The following KLHDC8B variants were observed in gnomAD, a reference collection of about 807,000 sequenced individuals.
KLHDC8B encodes the protein kelch domain-containing protein 8B.
KLHDC8B carries 19 observed loss-of-function variants against 26.3 expected under a neutral mutation model. The observed-to-expected ratio is 0.72, with a 90% CI of 0.50 to 1.06. The LOEUF (loss-of-function observed/expected upper bound fraction) is 1.06, where lower values mean the gene tolerates loss of function less well. KLHDC8B is among the 50% of genes least tolerant of loss of function. The probability of loss-of-function intolerance (pLI) is 0.00; values close to 1 mark genes in which losing one functional copy is unlikely to be tolerated. For missense variants in KLHDC8B, 411 were observed against 488.1 expected (o/e 0.84, Z 1.49); for synonymous variants, 150 against 188.4 (o/e 0.80, Z 1.67).
At chr3:49,174,459 A>G in intron 3 of KLHDC8B, 56 bp downstream of exon 3, 1 of 1,554,182 alleles carries the variant, frequency 6.4e-7, no homozygotes, top group Non-Finnish European at 8.8e-7. Context: ...CCTCATCCTC[A>G]TAGGTTGGCT....
At position 49,175,131 on chromosome 3, in the gene KLHDC8B, T is replaced by C; in HGVS notation, c.836T>C (p.Leu279Pro). Residue 279 changes from leucine (L) to proline (P), a missense_variant, in exon 5 of 6, where the codon CTT becomes CCT. By Grantham distance (98) the Leu-to-Pro change is moderately conservative. Transcript: ENST00000332780. ...AGGGCAGACTTTGTGGTTGGGTCCC[T>C]TGGGGGCCACATTGTGGCCATTGGG... ...DKRADFVVGS[L>P]GGHIVAIGGL... The C allele has an allele frequency of 1.2e-6, 2 of 1,614,114 alleles. No individual in the cohort carries two copies. The highest frequency in any genetic ancestry group is 1.7e-6 in the Non-Finnish European group (2 of 1,180,004).
chr3:49,175,197 T>G (rs1575549602), intron 5 of KLHDC8B, 34 bp downstream of exon 5: 4 of 1,553,774 alleles, frequency 2.6e-6, no homozygotes, highest in Non-Finnish European at 3.5e-6. Context: ...GAGGAGGGAG[T>G]CCCAAGACAG....
chr3:49,175,986 A>G lies in KLHDC8B; in HGVS notation c.*185A>G. 1 of 605,624 alleles carries G rather than the reference A, an allele frequency of 1.7e-6. No individual in the cohort carries two copies. Among genetic ancestry groups the G allele is most frequent in the South Asian group, 2.0e-5 (1 of 50,360 alleles). 37.5% of individuals were successfully genotyped at this position (605,624 alleles called of 1,614,324 possible). Reference sequence around the variant, plus strand: ...CCTTTGTCTTTAGTGCAGGACACACATATGCTTACACCTACCTTTATCACC... The same window carrying G: ...CCTTTGTCTTTAGTGCAGGACACACGTATGCTTACACCTACCTTTATCACC... On this transcript the variant is annotated 3_prime_UTR_variant, in exon 6 of 6. Coordinates refer to ENST00000332780, the MANE Select transcript of KLHDC8B (RefSeq NM_173546.3).
Position 49,173,155 on chromosome 3 carries a change from C to T in KLHDC8B, c.376+10C>T. On this transcript the variant is annotated intron_variant, in intron 2 of 5. Coordinates refer to ENST00000332780, the MANE Select transcript of KLHDC8B (RefSeq NM_173546.3). Reference sequence around the variant, plus strand: ...GCAACTGTGGAGAGAGGTGAGTGGCCTCCCAAGGAAGGCACTTCAGGTACC... The same window carrying T: ...GCAACTGTGGAGAGAGGTGAGTGGCTTCCCAAGGAAGGCACTTCAGGTACC... 8.3e-6 allele frequency: 13 copies of T among 1,559,156 alleles called. No homozygotes were observed. The highest frequency in any genetic ancestry group is 1.1e-5 in the Non-Finnish European group (13 of 1,150,942).
intron 3 of KLHDC8B, 148 bp from the exon 4 acceptor site, chr3:49,174,594 C>A: frequency 7.9e-7 from 1 of 1,258,650 alleles, no homozygotes; most frequent in Non-Finnish European, 1.1e-6. Flanking sequence ...AACCCCAGTA[C>A]CTGAGGGACT....
rs375567221 is a variant in KLHDC8B at position 49,174,333 on chromosome 3, G to A, written c.471G>A (p.Ser157=). 1.3e-5 allele frequency: 21 copies of A among 1,613,760 alleles called. No individual in the cohort carries two copies. In the Admixed American group the frequency reaches 2.0e-4, roughly 15 times the overall value. The part of the protein sequence containing the change: ...VYEPRRDCWL[S]LPSMPTPCYG... The stretch of plus-strand genomic sequence containing the variant: ...AGCCCCGTCGGGACTGCTGGCTTTC[G>A]CTACCCTCCATGCCCACACCCTGCT... Residue 157 remains serine (S), a synonymous_variant, in exon 3 of 6, where the codon TCG becomes TCA. Coordinates refer to ENST00000332780, the MANE Select transcript of KLHDC8B (RefSeq NM_173546.3).
Position 49,175,995 on chromosome 3 carries a change from C to A in KLHDC8B, c.*194C>A, listed in dbSNP as rs1261930137. 12 of 589,538 alleles carry A rather than the reference C, an allele frequency of 2.0e-5. No homozygotes were observed. The highest frequency in any genetic ancestry group is 3.6e-5 in the Non-Finnish European group (12 of 331,568). 36.5% of individuals were successfully genotyped at this position (589,538 alleles called of 1,614,324 possible). On this transcript the variant is annotated 3_prime_UTR_variant, in exon 6 of 6. Coordinates refer to ENST00000332780, the MANE Select transcript of KLHDC8B (RefSeq NM_173546.3). ...TTAGTGCAGGACACACATATGCTTACACCTACCTTTATCACCATTCGTTCA... is the reference window on the plus strand; with the variant it reads ...TTAGTGCAGGACACACATATGCTTAAACCTACCTTTATCACCATTCGTTCA...
At chr3:49,175,546 G>GA in intron 5 of KLHDC8B, 59 bp from the exon 6 acceptor site, 1 of 1,330,266 alleles carries the variant, frequency 7.5e-7, no homozygotes, top group Non-Finnish European at 1.0e-6. Context: ...TTAGGGAGCA[G>GA]AAGGGCCTGG....
At chr3:49,173,770 AG>A (rs2045792218) in intron 2 of KLHDC8B, among the ~76,000 whole-genome samples, 1 of 152,128 alleles carries the variant, frequency 6.6e-6, no homozygotes, top group Non-Finnish European at 1.5e-5. Context: ...AGCAGACCCA[AG>A]CCATTCCTCT....
chr3:49,175,982 A>G lies in KLHDC8B; in HGVS notation c.*181A>G, dbSNP rs2045825440. The G allele has an allele frequency of 1.6e-6, 1 of 609,582 alleles. No individual in the cohort carries two copies. Among genetic ancestry groups the G allele is most frequent in the Non-Finnish European group, 2.9e-6 (1 of 343,020 alleles). The allele number at this position is 609,582 out of a possible 1,614,324, so 37.8% of individuals were successfully genotyped here. A position where few individuals can be genotyped will look rare whatever the true frequency, so the allele number is the denominator to read the frequency against. ...GGAGCCTTTGTCTTTAGTGCAGGAC[A>G]CACATATGCTTACACCTACCTTTAT... On this transcript the variant is annotated 3_prime_UTR_variant, in exon 6 of 6. Coordinates refer to ENST00000332780, the MANE Select transcript of KLHDC8B (RefSeq NM_173546.3).
At position 49,172,984 on chromosome 3, in the gene KLHDC8B, C is replaced by T; in HGVS notation, c.215C>T (p.Ala72Val). 6.2e-7 allele frequency: 1 copy of T among 1,613,934 alleles called. No homozygotes were observed. Among genetic ancestry groups the T allele is most frequent in the Non-Finnish European group, 8.5e-7 (1 of 1,179,994 alleles). The change falls in exon 2 of 6, where the codon GCA becomes GTA. Residue 72 changes from alanine to valine, a missense_variant. Transcript: ENST00000332780. Reference protein sequence around the residue: ...LAPLPTARAGAAAVVLGKQVL... With the variant: ...LAPLPTARAGVAAVVLGKQVL... ...CCCCTGCCCACTGCCCGGGCTGGTG[C>T]AGCTGCGGTAGTTCTGGGCAAGCAG...
chr3:49,174,851 C>G lies in KLHDC8B; in HGVS notation c.651C>G (p.Cys217Trp), dbSNP rs569013720. 1 of 1,614,026 alleles carries G rather than the reference C, an allele frequency of 6.2e-7. No homozygotes were observed. The highest frequency in any genetic ancestry group is 1.3e-5 in the African/African-American group (1 of 74,950). Reference sequence around the variant, plus strand: ...CCAGCCGTCGGGCCTTTGCTGGCTGCGCCATGGCTGAAGGCAGCGTCTTTA... The same window carrying G: ...CCAGCCGTCGGGCCTTTGCTGGCTGGGCCATGGCTGAAGGCAGCGTCTTTA... ...SLPSRRAFAG[C>W]AMAEGSVFSL... The change falls in exon 4 of 6, where the codon TGC becomes TGG. Residue 217 changes from cysteine (C) to tryptophan (W), a missense_variant. Coordinates refer to ENST00000332780, the MANE Select transcript of KLHDC8B (RefSeq NM_173546.3).
chr3:49,175,744 T>A lies in KLHDC8B; in HGVS notation c.1008T>A (p.Gly336=). 6.2e-7 allele frequency: 1 copy of A among 1,613,940 alleles called. No individual in the cohort carries two copies. The highest frequency in any genetic ancestry group is 8.5e-7 in the Non-Finnish European group (1 of 1,179,996). ...QAGPRLFVIG[G]VAQGPSQAVE... ...GGCCCCGGCTGTTTGTTATTGGGGG[T>A]GTGGCCCAGGGCCCCAGTCAAGCCG... The change falls in exon 6 of 6, where the codon GGT becomes GGA. Residue 336 remains glycine (G), a synonymous_variant. Transcript: ENST00000332780.
chr3:49,174,726 C>T lies in KLHDC8B; in HGVS notation c.542-16C>T, dbSNP rs1160533868. The T allele has an allele frequency of 8.2e-6, 13 of 1,592,880 alleles. No homozygotes were observed. Among genetic ancestry groups the T allele is most frequent in the Non-Finnish European group, 1.1e-5 (13 of 1,168,026 alleles). On this transcript the variant is annotated splice_polypyrimidine_tract_variant and intron_variant, in intron 3 of 5. Transcript: ENST00000332780. Reference sequence around the variant, plus strand: ...CCTCCTGGGCTCCTTCCCAGGTACCCCAATTCCATTGACAGGGGGCCGCCA... The same window carrying T: ...CCTCCTGGGCTCCTTCCCAGGTACCTCAATTCCATTGACAGGGGGCCGCCA...
At chr3:49,174,438 A>G in intron 3 of KLHDC8B, 35 bp downstream of exon 3, 1 of 1,590,592 alleles carries the variant, frequency 6.3e-7, no homozygotes. Flanking sequence ...GGGGGCTCAG[A>G]GTCTAGAAAT....
At chr3:49,174,999 C>G (rs1372857571) in intron 4 of KLHDC8B, 33 bp downstream of exon 4, 1 of 1,613,996 alleles carries the variant, frequency 6.2e-7, no homozygotes, top group African/African-American at 1.3e-5. Flanking sequence ...TGTCCTCCCG[C>G]TCTCTGTGGG....
intron 3 of KLHDC8B, 138 bp from the exon 4 acceptor site, chr3:49,174,604 T>G (rs914937725): frequency 8.5e-6 from 11 of 1,292,916 alleles, no homozygotes; most frequent in Non-Finnish European, 1.2e-5. Context: ...CCTGAGGGAC[T>G]GTAGGGTGGA....
At position 49,174,727 on chromosome 3, in the gene KLHDC8B, C is replaced by T. The variant is rs763972731; in HGVS notation, c.542-15C>T. The T allele has an allele frequency of 1.3e-5, 21 of 1,593,398 alleles. No homozygotes were observed. Among genetic ancestry groups the T allele is most frequent in the Non-Finnish European group, 1.8e-5 (21 of 1,168,246 alleles). ...CTCCTGGGCTCCTTCCCAGGTACCC[C>T]AATTCCATTGACAGGGGGCCGCCAG... On this transcript the variant is annotated splice_polypyrimidine_tract_variant and intron_variant, in intron 3 of 5. Transcript: ENST00000332780.
chr3:49,175,855 C>T lies in KLHDC8B; in HGVS notation c.*54C>T, dbSNP rs770336847. 2.6e-6 allele frequency: 4 copies of T among 1,556,342 alleles called. No homozygotes were observed. In the Admixed American group the frequency reaches 5.0e-5, roughly 20 times the overall value. ...AGCTCATTGCCAGAGGCAGCTATTT[C>T]TATGGCTCCTTTTGCTGCTGAGGAC... On this transcript the variant is annotated 3_prime_UTR_variant, in exon 6 of 6. Coordinates refer to ENST00000332780, the MANE Select transcript of KLHDC8B (RefSeq NM_173546.3).
Sources: allele counts gnomAD v4.1 joint callset (sites outside exome capture counted in the v4.1 genomes callset), GRCh38; gene constraint gnomAD v4.1.1; transcripts MANE v1.5; gene names NCBI Gene and HGNC (gene_info 2026-07-23, HGNC 2026-07-21).